ULK4: variants seen among roughly 807,000 people sequenced by gnomAD.
ULK4 encodes unc-51 like kinase 4, also known as inactive serine/threonine-protein kinase ULK4.
ULK4 carries 133 observed loss-of-function variants against 160.6 expected under a neutral mutation model. The observed-to-expected ratio is 0.83, with a 90% CI of 0.72 to 0.96. The LOEUF (loss-of-function observed/expected upper bound fraction) is 0.96, where lower values mean the gene tolerates loss of function less well. Among genes scored for constraint, ULK4 ranks in the 40% least tolerant of loss-of-function variants. The pLI is 0.00. For missense variants in ULK4, 1,580 were observed against 1,499.5 expected (o/e 1.05, Z -0.89); for synonymous variants, 534 against 539.8 (o/e 0.99, Z 0.15).
At chr3:41,856,577 G>A (rs2888134) in intron 17 of ULK4, among the ~76,000 whole-genome samples, 1,019 of 58,242 alleles carry the variant, frequency 0.017, 32 homozygotes, top group African/African-American at 0.13. Context: ...ATATATATGT[G>A]TATATATATA....
chr3:41,362,090 G>A (rs2081157568), intron 35 of ULK4, among the ~76,000 whole-genome samples: 1 of 152,116 alleles, frequency 6.6e-6, no homozygotes, highest in South Asian at 2.1e-4. Flanking sequence ...TTAACCAGAA[G>A]AGCCCACTTT....
At chr3:41,394,456 T>C (rs1413229170) in intron 35 of ULK4, among the ~76,000 whole-genome samples, 2 of 152,096 alleles carry the variant, frequency 1.3e-5, no homozygotes, top group African/African-American at 4.8e-5. Flanking sequence ...CCAAACATCA[T>C]GGCCCAGCAT....
chr3:41,570,220 A>C (rs2125610390), intron 31 of ULK4, among the ~76,000 whole-genome samples: 1 of 152,354 alleles, frequency 6.6e-6, no homozygotes, highest in African/African-American at 2.4e-5. Flanking sequence ...TTAACACAAG[A>C]CAAAGTGTTT....
intron 31 of ULK4, among the ~76,000 whole-genome samples, chr3:41,584,547 A>G (rs1022040682): frequency 4.6e-5 from 7 of 152,152 alleles, no homozygotes; most frequent in Non-Finnish European, 7.3e-5. Flanking sequence ...TTGATCTCCC[A>G]AAGTGCTGGG....
chr3:41,259,564 A>T (rs1339838413), intron 35 of ULK4, among the ~76,000 whole-genome samples: 1 of 152,196 alleles, frequency 6.6e-6, no homozygotes, highest in African/African-American at 2.4e-5. Flanking sequence ...AAAAACAAGC[A>T]AACCAGAACT....
intron 16 of ULK4, among the ~76,000 whole-genome samples, chr3:41,890,747 GGAC>G (rs1351556767): frequency 4.5e-3 from 9 of 1,992 alleles, no homozygotes; most frequent in South Asian, 0.018. Flanking sequence ...GGGACAGGAG[GGAC>G]GGGAGGGACG....
In ULK4 at chr3:41,247,996, A is replaced by G. The variant is rs893860069; in HGVS notation, c.3765-1004T>C. On this transcript the variant is annotated intron_variant, in intron 36 of 36. Transcript: ENST00000301831. ...CTGGTGTAGACGTTTTAGATGCTGG[A>G]GTACTGAGTGTGGGTGCAGGACAGA... Among the ~76,000 whole-genome samples, 8 of 152,178 alleles carry G rather than the reference A, an allele frequency of 5.3e-5. No homozygotes were observed. In the East Asian group the frequency reaches 1.5e-3, roughly 29 times the overall value.
intron 34 of ULK4, among the ~76,000 whole-genome samples, chr3:41,434,630 G>C (rs1472399671): frequency 6.6e-6 from 1 of 152,000 alleles, no homozygotes; most frequent in Non-Finnish European, 1.5e-5. Context: ...AAAATATTTG[G>C]AGAAAAAAAT....
intron 34 of ULK4, among the ~76,000 whole-genome samples, chr3:41,431,014 GC>G: frequency 6.6e-6 from 1 of 152,280 alleles, no homozygotes; most frequent in South Asian, 2.1e-4. Context: ...GTTGACTGTA[GC>G]CATAGTAGTC....
intron 5 of ULK4, 27 bp downstream of exon 5, chr3:41,931,817 A>T: frequency 6.2e-7 from 1 of 1,612,602 alleles, no homozygotes. Flanking sequence ...TAGAGTTATG[A>T]TCTTTAAGCT....
intron 21 of ULK4, 22 bp from the exon 22 acceptor site, chr3:41,754,510 T>A: frequency 6.2e-7 from 1 of 1,600,528 alleles, no homozygotes; most frequent in East Asian, 2.2e-5. Flanking sequence ...ATTTAAACAA[T>A]TTTTTGAGAG....
chr3:41,516,193 T>C (rs1274818610), intron 32 of ULK4, among the ~76,000 whole-genome samples: 1 of 152,218 alleles, frequency 6.6e-6, no homozygotes, highest in Non-Finnish European at 1.5e-5. Context: ...TTCGTTAGTA[T>C]AGACAACAAT....
At chr3:41,897,731 G>GT (rs887188301) in intron 14 of ULK4, among the ~76,000 whole-genome samples, 31 of 151,914 alleles carry the variant, frequency 2.0e-4, no homozygotes, top group African/African-American at 6.8e-4. Context: ...TTTCTTTTTT[G>GT]TTTTTATCAG....
Position 41,900,788 on chromosome 3 carries a change from C to T in ULK4, c.1224G>A (p.Gln408=), listed in dbSNP as rs776952644. ...GHLSQQDLES[Q]MRELIYTDSD... is the part of the protein sequence containing the mutation. ...AGTCCGTGTAGATAAGCTCTCTCAT[C>T]TGGGATTCCAGGTCCTGCTGACTCA... The change falls in exon 13 of 37, where the codon CAG becomes CAA. Residue 408 remains glutamine (Q), a synonymous_variant. Transcript: ENST00000301831. 10 of 1,613,752 alleles carry T rather than the reference C, an allele frequency of 6.2e-6. 1 individual carries two copies. In the Admixed American group the frequency reaches 1.7e-4, roughly 27 times the overall value.
rs147442169 is a variant in ULK4 at position 41,579,966 on chromosome 3, C to T, written c.3121-13836G>A. 5.6e-4 allele frequency among the ~76,000 whole-genome samples: 85 copies of T among 152,294 alleles called. 1 individual carries two copies. The East Asian group carries it at 0.015, about 27-fold the overall frequency. On this transcript the variant is annotated intron_variant, in intron 31 of 36. Coordinates refer to ENST00000301831, the MANE Select transcript of ULK4 (RefSeq NM_017886.4). ...CTTTCCCTTTCACTCTAACTCCAGG[C>T]ACTTCAAGGCATTTCTTGACTCATG... is the stretch of plus-strand genomic sequence containing the variant.
chr3:41,641,044 T>C (rs1488493105), intron 30 of ULK4, among the ~76,000 whole-genome samples: 2 of 152,212 alleles, frequency 1.3e-5, no homozygotes, highest in African/African-American at 2.4e-5. Context: ...ACTGCAGTTA[T>C]AAGATGCATT....
chr3:41,859,831 T>TG (rs1559613629), intron 17 of ULK4, among the ~76,000 whole-genome samples: 3 of 148,354 alleles, frequency 2.0e-5, no homozygotes, highest in Admixed American at 6.7e-5. Context: ...CTAATTTTTT[T>TG]TTTTTTTTTT....
intron 18 of ULK4, among the ~76,000 whole-genome samples, chr3:41,831,280 C>T (rs1277348286): frequency 6.6e-6 from 1 of 151,820 alleles, no homozygotes; most frequent in Non-Finnish European, 1.5e-5. Flanking sequence ...CCTGCCTTGG[C>T]CTCCAAAAGT....
intron 21 of ULK4, among the ~76,000 whole-genome samples, chr3:41,780,252 G>C (rs1276901645): frequency 1.3e-5 from 2 of 152,050 alleles, no homozygotes; most frequent in South Asian, 2.1e-4. Context: ...CGGTTTCAGT[G>C]AGCCAAGATC....
Sources: gnomAD v4.1 joint callset for allele counts (sites outside exome capture counted in the v4.1 genomes callset) on GRCh38, gnomAD v4.1.1 for gene constraint, MANE v1.5 for transcripts, NCBI Gene and HGNC (gene_info 2026-07-23, HGNC 2026-07-21) for gene names.